The following GNA14 variants were observed in gnomAD, a reference collection of about 807,000 sequenced individuals.
GNA14 encodes guanine nucleotide-binding protein subunit alpha-14.
In GNA14, 50 loss-of-function variants were observed where a neutral mutation model predicts 42.0. That is an observed-to-expected ratio of 1.19 (90% CI 0.95 to 1.51). The LOEUF (loss-of-function observed/expected upper bound fraction) is 1.51, where lower values mean the gene tolerates loss of function less well. GNA14 is among the 40% of genes most tolerant of loss of function. The pLI is 0.00. For missense variants in GNA14, 473 were observed against 446.2 expected (o/e 1.06, Z -0.54); for synonymous variants, 173 against 163.1 (o/e 1.06, Z -0.46).
At chr9:77,458,825 C>G (rs553997602) in intron 2 of GNA14, among the ~76,000 whole-genome samples, 171 of 150,860 alleles carry the variant, frequency 1.1e-3, no homozygotes, top group Non-Finnish European at 1.7e-3. Flanking sequence ...TATTCCTGAA[C>G]AGTATCTCTA....
chr9:77,463,142 A>T (rs1836145472), intron 2 of GNA14, among the ~76,000 whole-genome samples: 1 of 152,224 alleles, frequency 6.6e-6, no homozygotes. Flanking sequence ...GTCCTACTGC[A>T]TCCCCATTGG....
intron 2 of GNA14, among the ~76,000 whole-genome samples, chr9:77,525,893 G>A (rs1299455803): frequency 7.9e-6 from 1 of 127,328 alleles, no homozygotes; most frequent in Non-Finnish European, 1.6e-5. Context: ...TAGACAATGA[G>A]ATTTGGGACT....
At chr9:77,597,364 G>T (rs1201284544) in intron 1 of GNA14, among the ~76,000 whole-genome samples, 1 of 149,814 alleles carries the variant, frequency 6.7e-6, no homozygotes, top group Non-Finnish European at 1.5e-5. Context: ...CTGGAGAAAT[G>T]ATGAACAAAT....
At chr9:77,559,733 C>T (rs1467705325) in intron 1 of GNA14, among the ~76,000 whole-genome samples, 1 of 152,210 alleles carries the variant, frequency 6.6e-6, no homozygotes, top group East Asian at 1.9e-4. Context: ...TAAGAAACAA[C>T]CTGATATATG....
At chr9:77,542,969 G>A (rs767301825) in intron 1 of GNA14, among the ~76,000 whole-genome samples, 1 of 152,214 alleles carries the variant, frequency 6.6e-6, no homozygotes, top group East Asian at 1.9e-4. Flanking sequence ...ATGTTCAGGT[G>A]GGGGCAGCAG....
chr9:77,567,339 A>G (rs1822982714), intron 1 of GNA14, among the ~76,000 whole-genome samples: 2 of 152,212 alleles, frequency 1.3e-5, no homozygotes, highest in Non-Finnish European at 2.9e-5. Flanking sequence ...CTCTACAGCC[A>G]TAACCTCTTT....
intron 2 of GNA14, among the ~76,000 whole-genome samples, chr9:77,512,241 C>T (rs1377485552): frequency 2.0e-5 from 3 of 152,288 alleles, no homozygotes; most frequent in Admixed American, 1.3e-4. Context: ...ACTCCACACC[C>T]CCAGGATAAC....
intron 2 of GNA14, among the ~76,000 whole-genome samples, chr9:77,506,579 A>C (rs1039054197): frequency 1.3e-5 from 2 of 152,118 alleles, no homozygotes. Context: ...TGGGAGGCTG[A>C]AGCAGGAGAA....
chr9:77,529,187 C>G lies in GNA14; in HGVS notation c.191G>C (p.Ser64Thr). 6.2e-7 allele frequency: 1 copy of G among 1,614,026 alleles called. No individual in the cohort carries two copies. The highest frequency in any genetic ancestry group is 8.5e-7 in the Non-Finnish European group (1 of 1,179,856). Residue 64 changes from serine to threonine, a missense_variant, in exon 2 of 7, where the codon AGC (serine) becomes ACC (threonine). By Grantham distance (58) the Ser-to-Thr change is moderately conservative. Coordinates refer to ENST00000341700, the MANE Select transcript of GNA14 (RefSeq NM_004297.4). The part of the protein sequence containing the change: ...QMRIIHGSGY[S>T]DEDRKGFTKL... The stretch of plus-strand genomic sequence containing the variant: ...CGTGAACCCCTTTCTGTCTTCGTCG[C>G]TGTAACCAGACCCATGGATAATTCT...
intron 1 of GNA14, among the ~76,000 whole-genome samples, chr9:77,592,835 C>T (rs1013361517): frequency 2.6e-5 from 4 of 152,256 alleles, no homozygotes; most frequent in Non-Finnish European, 2.9e-5. Context: ...CCACTTGACA[C>T]AGAACTCATA....
intron 1 of GNA14, among the ~76,000 whole-genome samples, chr9:77,619,800 C>T (rs1451955688): frequency 6.6e-6 from 1 of 152,034 alleles, no homozygotes; most frequent in Non-Finnish European, 1.5e-5. Context: ...TGAATTGAAG[C>T]TAAATTTTTA....
chr9:77,645,900 C>T (rs140076745), intron 1 of GNA14, among the ~76,000 whole-genome samples: 3 of 152,256 alleles, frequency 2.0e-5, no homozygotes, highest in South Asian at 2.1e-4. Context: ...AAGTTACATA[C>T]GCAACTAAAC....
chr9:77,444,114 C>T (rs971033872), intron 2 of GNA14, among the ~76,000 whole-genome samples: 1 of 152,192 alleles, frequency 6.6e-6, no homozygotes, highest in African/African-American at 2.4e-5. Flanking sequence ...GGCCTTGCAC[C>T]GTGCTGGCTT....
chr9:77,563,281 C>T (rs1372828542), intron 1 of GNA14, among the ~76,000 whole-genome samples: 1 of 152,152 alleles, frequency 6.6e-6, no homozygotes. Context: ...GAGGGAGGTA[C>T]TGAATCTTTT....
chr9:77,428,081 T>C (rs964253451), intron 5 of GNA14, among the ~76,000 whole-genome samples: 19 of 145,136 alleles, frequency 1.3e-4, no homozygotes, highest in Middle Eastern at 7.1e-3. Flanking sequence ...CTTTTTTTTT[T>C]TCTTTTTTTT....
At chr9:77,476,385 G>T (rs1000547876) in intron 2 of GNA14, among the ~76,000 whole-genome samples, 115 of 152,148 alleles carry the variant, frequency 7.6e-4, no homozygotes, top group African/African-American at 2.6e-3. Flanking sequence ...CATCTCTGGG[G>T]AGGCCACAGA....
chr9:77,504,565 AGAGAG>A (rs1170048538), intron 2 of GNA14, among the ~76,000 whole-genome samples: 2 of 149,338 alleles, frequency 1.3e-5, no homozygotes, highest in African/African-American at 4.9e-5. Flanking sequence ...AGAGAGAGAG[AGAGAG>A]AAACAAGTCC....
chr9:77,432,731 C>T (rs904650405), intron 3 of GNA14, among the ~76,000 whole-genome samples: 1 of 152,130 alleles, frequency 6.6e-6, no homozygotes, highest in Non-Finnish European at 1.5e-5. Flanking sequence ...GTGGCCTTGC[C>T]CCCATGGTTT....
chr9:77,560,973 G>A (rs1052575934), intron 1 of GNA14, among the ~76,000 whole-genome samples: 4 of 152,166 alleles, frequency 2.6e-5, no homozygotes, highest in African/African-American at 9.7e-5. Flanking sequence ...CTAGCTAAAT[G>A]GAAATGTAGA....
Sources: gnomAD v4.1 joint callset for allele counts (sites outside exome capture counted in the v4.1 genomes callset) on GRCh38, gnomAD v4.1.1 for gene constraint, MANE v1.5 for transcripts, NCBI Gene and HGNC (gene_info 2026-07-23, HGNC 2026-07-21) for gene names.